The following HSD17B4 variants were observed in gnomAD, a reference collection of about 807,000 sequenced individuals.
HSD17B4 encodes the protein peroxisomal multifunctional enzyme type 2.
HSD17B4 carries 70 observed loss-of-function variants against 101.0 expected under a neutral mutation model. The ratio of observed to expected loss-of-function variants is 0.69; its 90% CI spans 0.57 to 0.85. The LOEUF is 0.85. Ranked by LOEUF, HSD17B4 falls within the 40% of genes least tolerant of loss-of-function variation. HSD17B4 has a pLI of 0.00. For synonymous variants in HSD17B4, 347 were observed against 297.1 expected, an observed-to-expected ratio of 1.17 and a Z score of -1.73; for missense variants, 984 against 892.4, an observed-to-expected ratio of 1.10 and a Z score of -1.31.
chr5:119,508,681 A>C (rs931809573), intron 15 of HSD17B4, among the ~76,000 whole-genome samples: 8 of 152,208 alleles, frequency 5.3e-5, no homozygotes, highest in Non-Finnish European at 8.8e-5. Flanking sequence ...ATGGGAAAAT[A>C]AGAGTGAGCA....
At position 119,452,609 on chromosome 5, in the gene HSD17B4, G is replaced by A; in HGVS notation, c.34G>A (p.Val12Ile). ...GSPLRFDGRVVLVTGAGAGLG... is the reference protein window; with the variant it reads ...GSPLRFDGRVILVTGAGAGLG... ...ACCGCTGAGGTTCGACGGGCGGGTG[G>A]TACTGGTCACCGGCGCGGGGGCAGG... The change falls in exon 1 of 24, where the codon GTA becomes ATA. Residue 12 changes from valine to isoleucine, a missense_variant. Val to Ile is a conservative substitution (Grantham distance 29). Coordinates refer to ENST00000510025, the MANE Select transcript of HSD17B4 (RefSeq NM_000414.4). 6.2e-7 allele frequency: 1 copy of A among 1,614,020 alleles called. No homozygotes were observed. Among genetic ancestry groups the A allele is most frequent in the Non-Finnish European group, 8.5e-7 (1 of 1,179,984 alleles).
chr5:119,469,986 A>G (rs1034483611), intron 2 of HSD17B4, among the ~76,000 whole-genome samples: 12 of 151,974 alleles, frequency 7.9e-5, no homozygotes, highest in African/African-American at 2.7e-4. Context: ...TGCATGGTAG[A>G]TCCTCCATGG....
intron 13 of HSD17B4, among the ~76,000 whole-genome samples, chr5:119,501,759 C>T (rs1473852371): frequency 6.6e-6 from 1 of 152,130 alleles, no homozygotes; most frequent in South Asian, 2.1e-4. Flanking sequence ...AGTTTATTGT[C>T]TCTTGGCAAA....
intron 9 of HSD17B4, among the ~76,000 whole-genome samples, chr5:119,489,874 A>C (rs1749941291): frequency 6.6e-6 from 1 of 152,144 alleles, no homozygotes; most frequent in Non-Finnish European, 1.5e-5. Flanking sequence ...TTATAAAAAT[A>C]ATTATCCACA....
chr5:119,508,906 A>G lies in HSD17B4; in HGVS notation c.1334-235A>G, dbSNP rs536193422. ...AGAAAAGTGAAAGAACTGCTATTTC[A>G]TAGTTAAGAAAGGATTTTTGAAGCT... On this transcript the variant is annotated intron_variant, in intron 15 of 23. Transcript: ENST00000510025. 3.1e-3 allele frequency among the ~76,000 whole-genome samples: 475 copies of G among 152,350 alleles called. 3 individuals are homozygous for G. The highest frequency in any genetic ancestry group is 8.0e-3 in the Admixed American group (122 of 15,304).
At chr5:119,506,956 T>C in intron 15 of HSD17B4, 67 bp downstream of exon 15, 1 of 806,554 alleles carries the variant, frequency 1.2e-6, no homozygotes, top group East Asian at 2.7e-5. Flanking sequence ...ACATAATACT[T>C]CACCATAGAA....
rs35030315 is a variant in HSD17B4, at chr5:119,455,568, C to CTCTCTATA, written c.59-746_59-745insCTCTATAT. ...TCTCTCTCTCTCTCTCTCTCTCTCT[C>CTCTCTATA]TATATATATATATATAATTTCTTTT... On this transcript the variant is annotated intron_variant, in intron 1 of 23. Coordinates refer to ENST00000510025, the MANE Select transcript of HSD17B4 (RefSeq NM_000414.4). 1.5e-3 allele frequency among the ~76,000 whole-genome samples: 198 copies of CTCTCTATA among 136,478 alleles called. 1 individual carries two copies. The highest frequency in any genetic ancestry group is 6.1e-3 in the East Asian group (27 of 4,436). The allele number at this position is 136,478 out of a possible 152,430, so 89.5% of individuals were successfully genotyped here.
chr5:119,474,541 C>G, intron 4 of HSD17B4, 81 bp downstream of exon 4: 1 of 836,068 alleles, frequency 1.2e-6, no homozygotes, highest in Non-Finnish European at 2.1e-6. Flanking sequence ...CTTTCATTTA[C>G]TAAACAGATA....
chr5:119,490,161 CA>C (rs1033292662), intron 9 of HSD17B4, among the ~76,000 whole-genome samples: 2 of 151,388 alleles, frequency 1.3e-5, no homozygotes, highest in African/African-American at 2.4e-5. Context: ...TAAGTTAAGA[CA>C]AAAAAAACAG....
chr5:119,513,479 A>G (rs39971), intron 16 of HSD17B4, among the ~76,000 whole-genome samples: 74,636 of 151,834 alleles, frequency 0.49, 19,119 homozygotes, highest in East Asian at 0.92. Flanking sequence ...TGCCTCCCAG[A>G]CTCAGGTGAT....
intron 2 of HSD17B4, among the ~76,000 whole-genome samples, chr5:119,457,976 G>T (rs780987556): frequency 1.3e-5 from 2 of 152,108 alleles, no homozygotes; most frequent in South Asian, 2.1e-4. Context: ...GTGTGTTCCT[G>T]TGCATCAATT....
rs539890033 is a variant in HSD17B4 at position 119,508,994 on chromosome 5, A to C, written c.1334-147A>C. The C allele has an allele frequency of 4.7e-6, 3 of 633,954 alleles. No homozygotes were observed. In the South Asian group the frequency reaches 5.6e-5, roughly 12 times the overall value. 39.3% of individuals were successfully genotyped at this position (633,954 alleles called of 1,614,324 possible). A position where few individuals can be genotyped will look rare whatever the true frequency, so the allele number is the denominator to read the frequency against. ...ATTAAAATGAATGCTTTGTAATCCAAACTTGGACACCTTTACATGTTAGAA... is the reference window on the plus strand; with the variant it reads ...ATTAAAATGAATGCTTTGTAATCCACACTTGGACACCTTTACATGTTAGAA... On this transcript the variant is annotated intron_variant, in intron 15 of 23. Coordinates refer to ENST00000510025, the MANE Select transcript of HSD17B4 (RefSeq NM_000414.4).
intron 14 of HSD17B4, among the ~76,000 whole-genome samples, chr5:119,505,967 C>T (rs1445453933): frequency 6.6e-6 from 1 of 152,064 alleles, no homozygotes; most frequent in African/African-American, 2.4e-5. Flanking sequence ...TTCCGGTATT[C>T]TGACTGCTTT....
chr5:119,531,368 C>T lies in HSD17B4; in HGVS notation c.1957C>T (p.His653Tyr). The T allele has an allele frequency of 9.9e-6, 16 of 1,613,446 alleles. No homozygotes were observed. The highest frequency in any genetic ancestry group is 1.4e-5 in the Non-Finnish European group (16 of 1,179,544). The change falls in exon 22 of 24, where the codon CAT becomes TAT. Residue 653 changes from histidine to tyrosine, a missense_variant. By Grantham distance (83) the His-to-Tyr change is moderately conservative (BLOSUM62 2). Transcript: ENST00000510025. The stretch of plus-strand genomic sequence containing the variant: ...GAAAGTAAATGCTGTATTTGAGTGG[C>T]ATATAACCAAAGGCGGAAATATTGG... ...VKKVNAVFEW[H>Y]ITKGGNIGAK...
chr5:119,541,338 G>A (rs114680164), intron 23 of HSD17B4, among the ~76,000 whole-genome samples: 2,080 of 152,206 alleles, frequency 0.014, 50 homozygotes, highest in African/African-American at 0.048. Flanking sequence ...TTTTATAGAT[G>A]AGGAGATTGA....
intron 2 of HSD17B4, chr5:119,472,466 C>T (rs1235168894): frequency 6.6e-6 from 1 of 151,462 alleles, no homozygotes; most frequent in Non-Finnish European, 1.5e-5. Flanking sequence ...AGAGTTTCCA[C>T]TCTGCTGCCC....
intron 6 of HSD17B4, 52 bp downstream of exon 6, chr5:119,475,922 T>C: frequency 7.5e-7 from 1 of 1,327,076 alleles, no homozygotes; most frequent in South Asian, 1.2e-5. Context: ...ATTTAGCCTT[T>C]TTAGTATTTG....
rs765702241 is a variant in HSD17B4 at position 119,456,323 on chromosome 5, C to T, written c.67C>T (p.Arg23Ter). The change falls in exon 2 of 24, where the codon CGA becomes TGA. Residue 23 changes from arginine (R) to a stop codon, truncating the protein, a stop_gained. Transcript: ENST00000510025. LOFTEE classifies it high-confidence loss of function. ...LVTGAGAGLG[R>*]AYALAFAERG... is the part of the protein sequence containing the mutation. ...ATTTTGTTTTTGATTAGGATTGGGC[C>T]GAGCCTATGCCCTGGCTTTTGCAGA... 13 of 1,610,502 alleles carry T rather than the reference C, an allele frequency of 8.1e-6. No individual in the cohort carries two copies. Among genetic ancestry groups the T allele is most frequent in the African/African-American group, 4.0e-5 (3 of 74,800 alleles).
At chr5:119,520,271 T>C (rs1315521094) in intron 17 of HSD17B4, among the ~76,000 whole-genome samples, 1 of 152,176 alleles carries the variant, frequency 6.6e-6, no homozygotes, top group African/African-American at 2.4e-5. Context: ...GCTGGAAGGT[T>C]CCAAGATGGC....
Sources: allele counts gnomAD v4.1 joint callset (sites outside exome capture counted in the v4.1 genomes callset), GRCh38; gene constraint gnomAD v4.1.1; transcripts MANE v1.5; gene names NCBI Gene and HGNC (gene_info 2026-07-23, HGNC 2026-07-21).